The following MALRD1 variants were observed in gnomAD, a reference collection of about 807,000 sequenced individuals.
The protein encoded by MALRD1 is MAM and LDL receptor class A domain containing 1, also known as MAM and LDL-receptor class A domain-containing protein 1.
Under a neutral mutation model 242.1 loss-of-function variants are expected in MALRD1, and 247 were observed. That is an observed-to-expected ratio of 1.02 (90% CI 0.92 to 1.13). The LOEUF is 1.13. MALRD1 is among the 50% of genes most tolerant of loss of function. MALRD1 has a pLI of 0.00. For missense variants in MALRD1, 2,989 were observed against 2,533.1 expected (o/e 1.18, Z -3.86); for synonymous variants, 995 against 866.6 (o/e 1.15, Z -2.60).
intron 31 of MALRD1, among the ~76,000 whole-genome samples, chr10:19,508,303 C>A (rs962913129): frequency 1.4e-4 from 21 of 151,984 alleles, no homozygotes; most frequent in African/African-American, 4.8e-4. Context: ...AGGAAGAGAT[C>A]TGACACTTAT....
At chr10:19,246,789 C>T (rs537231211) in intron 18 of MALRD1, among the ~76,000 whole-genome samples, 29 of 152,140 alleles carry the variant, frequency 1.9e-4, no homozygotes, top group African/African-American at 6.7e-4. Context: ...ACTAATTTGT[C>T]AGAATTGAAT....
chr10:19,377,063 T>C (rs1845642459), intron 26 of MALRD1, among the ~76,000 whole-genome samples: 1 of 152,174 alleles, frequency 6.6e-6, no homozygotes, highest in Non-Finnish European at 1.5e-5. Context: ...CCATTCAAAA[T>C]AGTCAATGCA....
At chr10:19,200,437 T>C (rs1836467789) in intron 14 of MALRD1, among the ~76,000 whole-genome samples, 1 of 152,130 alleles carries the variant, frequency 6.6e-6, no homozygotes, top group South Asian at 2.1e-4. Context: ...CGTTAGGAGG[T>C]ATTTCCTCCT....
intron 36 of MALRD1, among the ~76,000 whole-genome samples, chr10:19,691,082 G>C (rs1301907083): frequency 2.6e-5 from 4 of 152,052 alleles, no homozygotes; most frequent in Non-Finnish European, 5.9e-5. Flanking sequence ...ACGTGTGAAA[G>C]ATTGACAAGT....
At chr10:19,287,112 C>T (rs983974519) in intron 21 of MALRD1, among the ~76,000 whole-genome samples, 6 of 152,234 alleles carry the variant, frequency 3.9e-5, no homozygotes, top group African/African-American at 1.4e-4. Context: ...ACAGTGACTG[C>T]ATGCATCTAG....
chr10:19,571,387 T>A (rs1589252385), intron 33 of MALRD1, among the ~76,000 whole-genome samples: 2 of 151,678 alleles, frequency 1.3e-5, no homozygotes, highest in Non-Finnish European at 2.9e-5. Context: ...AAAAAAAAAA[T>A]AACAATTATA....
At chr10:19,288,620 T>C (rs1841255702) in intron 21 of MALRD1, among the ~76,000 whole-genome samples, 1 of 152,140 alleles carries the variant, frequency 6.6e-6, no homozygotes, top group Non-Finnish European at 1.5e-5. Flanking sequence ...TCTCTTTTTC[T>C]GAGGTTCCGT....
rs1564567246 is a variant in MALRD1, at chr10:19,719,203, TATATATATAC to T, written c.6315-11501_6315-11492del. 1.3e-3 allele frequency among the ~76,000 whole-genome samples: 130 copies of T among 98,246 alleles called. 1 individual carries two copies. Among genetic ancestry groups the T allele is most frequent in the African/African-American group, 6.5e-3 (126 of 19,378 alleles). The allele number at this position is 98,246 out of a possible 152,430, so 64.5% of individuals were successfully genotyped here. A position where few individuals can be genotyped will look rare whatever the true frequency, so the allele number is the denominator to read the frequency against. ...ATATATATATATACATACATATATA[TATATATATAC>T]ACATACATACATATATATATATATA... is the stretch of plus-strand genomic sequence containing the variant. On this transcript the variant is annotated intron_variant, in intron 38 of 39. Transcript: ENST00000454679.
At chr10:19,333,642 T>G (rs1843484893) in intron 24 of MALRD1, among the ~76,000 whole-genome samples, 1 of 152,158 alleles carries the variant, frequency 6.6e-6, no homozygotes, top group African/African-American at 2.4e-5. Flanking sequence ...AAAAGATCTA[T>G]TTTCCTTTGG....
intron 36 of MALRD1, 106 bp downstream of exon 36, chr10:19,616,029 G>A (rs1839141014): frequency 2.7e-6 from 2 of 750,718 alleles, no homozygotes; most frequent in Non-Finnish European, 2.1e-6. Context: ...TGGTTAGTAA[G>A]GTAAAAATAG....
Position 19,210,354 on chromosome 10 carries a change from G to C in MALRD1, c.2991+674G>C, listed in dbSNP as rs192761601. Among the ~76,000 whole-genome samples the C allele has an allele frequency of 5.1e-4, 77 of 152,304 alleles. 1 individual carries two copies. Among genetic ancestry groups the C allele is most frequent in the Admixed American group, 1.5e-3 (23 of 15,290 alleles). On this transcript the variant is annotated intron_variant, in intron 18 of 39. Transcript: ENST00000454679. ...CAATTTTGTAGATTCAAAGAAAAAA[G>C]CTTGGAGTGCTGACTGTTTATCCCT...
intron 38 of MALRD1, among the ~76,000 whole-genome samples, chr10:19,709,753 A>G (rs1361286098): frequency 1.3e-5 from 2 of 152,148 alleles, no homozygotes; most frequent in East Asian, 1.9e-4. Context: ...TGCTCATTTT[A>G]AAAATTAAAA....
chr10:19,726,557 A>C (rs1835035382), intron 38 of MALRD1, among the ~76,000 whole-genome samples: 1 of 152,188 alleles, frequency 6.6e-6, no homozygotes, highest in Non-Finnish European at 1.5e-5. Context: ...TCAAAAGTTA[A>C]AAAAGAGTTA....
chr10:19,053,018 T>C (rs1188249441), intron 1 of MALRD1, among the ~76,000 whole-genome samples: 1 of 152,192 alleles, frequency 6.6e-6, no homozygotes, highest in Non-Finnish European at 1.5e-5. Context: ...CCTTGATTAG[T>C]TCTGGGACCG....
intron 14 of MALRD1, among the ~76,000 whole-genome samples, chr10:19,198,906 A>T (rs758465500): frequency 6.6e-6 from 1 of 152,202 alleles, no homozygotes; most frequent in Non-Finnish European, 1.5e-5. Flanking sequence ...CTATTGATGA[A>T]GTCTAGAGTT....
At chr10:19,663,998 G>A (rs1227367976) in intron 36 of MALRD1, among the ~76,000 whole-genome samples, 1 of 151,990 alleles carries the variant, frequency 6.6e-6, no homozygotes, top group Non-Finnish European at 1.5e-5. Context: ...ACAAGGAAAA[G>A]GCAAACAAAC....
At chr10:19,400,558 T>C (rs1006983846) in intron 28 of MALRD1, among the ~76,000 whole-genome samples, 4 of 152,158 alleles carry the variant, frequency 2.6e-5, no homozygotes, top group African/African-American at 9.7e-5. Context: ...TATTTTTTAA[T>C]TGAATGAAAG....
Position 19,562,297 on chromosome 10 carries a change from G to GTAGGTAGATAGATAGA in MALRD1, c.5479-5202_5479-5201insGTAGATAGATAGATAG, listed in dbSNP as rs149417866. 2.4e-4 allele frequency among the ~76,000 whole-genome samples: 35 copies of GTAGGTAGATAGATAGA among 144,766 alleles called. 1 individual carries two copies. The highest frequency in any genetic ancestry group is 3.5e-4 in the Admixed American group (5 of 14,266). 95.0% of individuals were successfully genotyped at this position (144,766 alleles called of 152,430 possible). A position where few individuals can be genotyped will look rare whatever the true frequency, so the allele number is the denominator to read the frequency against. On this transcript the variant is annotated intron_variant, in intron 32 of 39. Coordinates refer to ENST00000454679, the MANE Select transcript of MALRD1 (RefSeq NM_001142308.3). ...GCAACAGAGCGAGATGCTGTCTTAG[G>GTAGGTAGATAGATAGA]TAGATAGATAGATAGATAGATAGAT... is the stretch of plus-strand genomic sequence containing the variant.
At position 19,450,304 on chromosome 10, in the gene MALRD1, C is replaced by T; in HGVS notation, c.4846-3C>T. ...TCCCTCATACAAACTTCTTTACTTTCAGACAGAGAAAGGACTATCAAAAGT... is the reference window on the plus strand; with the variant it reads ...TCCCTCATACAAACTTCTTTACTTTTAGACAGAGAAAGGACTATCAAAAGT... On this transcript the variant is annotated splice_region_variant and splice_polypyrimidine_tract_variant and intron_variant, in intron 28 of 39. Coordinates refer to ENST00000454679, the MANE Select transcript of MALRD1 (RefSeq NM_001142308.3). 6.5e-7 allele frequency: 1 copy of T among 1,545,808 alleles called. No homozygotes were observed. The highest frequency in any genetic ancestry group is 1.2e-5 in the South Asian group (1 of 83,442).
Sources: allele counts gnomAD v4.1 joint callset (sites outside exome capture counted in the v4.1 genomes callset), GRCh38; gene constraint gnomAD v4.1.1; transcripts MANE v1.5; gene names NCBI Gene and HGNC (gene_info 2026-07-23, HGNC 2026-07-21).